CPNE7: variants seen among roughly 807,000 people sequenced by gnomAD.
The protein encoded by CPNE7 is copine 7.
In CPNE7, 78 loss-of-function variants were observed where a neutral mutation model predicts 66.5. The observed-to-expected ratio is 1.17, with a 90% CI of 0.98 to 1.42. The LOEUF (loss-of-function observed/expected upper bound fraction) is 1.42. Among genes scored for constraint, CPNE7 ranks in the 40% most tolerant of loss-of-function variants. The pLI is 0.00. For missense variants in CPNE7, 1,012 were observed against 776.6 expected (o/e 1.30, Z -3.60); for synonymous variants, 468 against 336.7 (o/e 1.39, Z -4.27).
At chr16:89,586,069 C>A (rs1333512784) in intron 7 of CPNE7, among the ~76,000 whole-genome samples, 8 of 96,814 alleles carry the variant, frequency 8.3e-5, no homozygotes, top group Non-Finnish European at 1.3e-4. Flanking sequence ...TGAGGGGGGC[C>A]TCTGGGGAGG....
intron 2 of CPNE7, among the ~76,000 whole-genome samples, chr16:89,581,967 C>T (rs1055766664): frequency 6.6e-6 from 1 of 152,238 alleles, no homozygotes; most frequent in African/African-American, 2.4e-5. Flanking sequence ...TATGTACACA[C>T]AGGTGCACAT....
chr16:89,592,410 G>A (rs1244239470), intron 13 of CPNE7, among the ~76,000 whole-genome samples: 4 of 150,972 alleles, frequency 2.6e-5, no homozygotes, highest in African/African-American at 7.3e-5. Flanking sequence ...CCTGCTTCAC[G>A]TCTGTGTAGT....
Position 89,595,537 on chromosome 16 carries a change from C to G in CPNE7, c.1473C>G (p.Arg491=), listed in dbSNP as rs771557134. ...TGGACGGCGACGACGGCGTCCTGCGCTCCCCACGGGGTGAGCCCGCGCTCC... is the reference window on the plus strand; with the variant it reads ...TGGACGGCGACGACGGCGTCCTGCGGTCCCCACGGGGTGAGCCCGCGCTCC... ...QVLDGDDGVL[R]SPRGEPALRD... Residue 491 remains arginine (R), a synonymous_variant, in exon 14 of 15, where the codon CGC becomes CGG. Transcript: ENST00000319518. 3.1e-6 allele frequency: 5 copies of G among 1,612,600 alleles called. No individual in the cohort carries two copies. Among genetic ancestry groups the G allele is most frequent in the Non-Finnish European group, 4.2e-6 (5 of 1,179,854 alleles).
Position 89,595,455 on chromosome 16 carries a change from C to T in CPNE7, c.1391C>T (p.Pro464Leu). The T allele has an allele frequency of 1.9e-6, 3 of 1,612,374 alleles. No individual in the cohort carries two copies. The highest frequency in any genetic ancestry group is 2.5e-6 in the Non-Finnish European group (3 of 1,179,736). ...GCCATTGTGCGTGCCTCACGCCTGCCCATGTCCATCATCATCGTGGGCGTG... is the reference window on the plus strand; with the variant it reads ...GCCATTGTGCGTGCCTCACGCCTGCTCATGTCCATCATCATCGTGGGCGTG... ...REAIVRASRLPMSIIIVGVGN... is the reference protein window; with the variant it reads ...REAIVRASRLLMSIIIVGVGN... Residue 464 changes from proline (P) to leucine (L), a missense_variant, in exon 14 of 15, where the codon CCC becomes CTC. Transcript: ENST00000319518.
rs1024286835 is a variant in CPNE7 at position 89,596,803 on chromosome 16, C to T, written c.*182C>T. 56 of 703,218 alleles carry T rather than the reference C, an allele frequency of 8.0e-5. 1 individual carries two copies. Among genetic ancestry groups the T allele is most frequent in the Middle Eastern group, 8.6e-4 (2 of 2,314 alleles). The allele number at this position is 703,218 out of a possible 1,614,324, so 43.6% of individuals were successfully genotyped here. ...GGCCCGGCTCTGGGGCCCCCAAGGC[C>T]GAAGGGTGACAAAATACAGGCCCCC... is the stretch of plus-strand genomic sequence containing the variant. On this transcript the variant is annotated 3_prime_UTR_variant, in exon 15 of 15. Coordinates refer to ENST00000319518, the MANE Select transcript of CPNE7 (RefSeq NM_153636.3).
chr16:89,587,578 C>G (rs1290519614), intron 9 of CPNE7: 4 of 421,772 alleles, frequency 9.5e-6, no homozygotes, highest in Non-Finnish European at 9.8e-6. Flanking sequence ...CGAGGAGAAA[C>G]TGGAGTGAGC....
At chr16:89,588,168 CG>C (rs2059110171) in intron 9 of CPNE7, among the ~76,000 whole-genome samples, 2 of 102,504 alleles carry the variant, frequency 2.0e-5, no homozygotes, top group Non-Finnish European at 3.9e-5. Context: ...CCGTGTCACC[CG>C]CGTGTCACCC....
intron 9 of CPNE7, among the ~76,000 whole-genome samples, chr16:89,588,275 T>C (rs1458395564): frequency 1.3e-5 from 2 of 152,216 alleles, no homozygotes; most frequent in Non-Finnish European, 2.9e-5. Flanking sequence ...GGTTCGTGTT[T>C]TGTTGAACGA....
rs370333659 is a variant in CPNE7 at position 89,589,936 on chromosome 16, C to G, written c.1101C>G (p.Ile367Met). The G allele has an allele frequency of 5.6e-6, 9 of 1,613,694 alleles. No individual in the cohort carries two copies. The highest frequency in any genetic ancestry group is 7.6e-6 in the Non-Finnish European group (9 of 1,179,976). ...RFSALGFGAR[I>M]PPKYEVSHDF... ...CCGCTTTGGGGTTTGGAGCCCGGATCCCTCCCAAGTATGAGGTAGGAGAGC... is the reference window on the plus strand; with the variant it reads ...CCGCTTTGGGGTTTGGAGCCCGGATGCCTCCCAAGTATGAGGTAGGAGAGC... Residue 367 changes from isoleucine (I) to methionine (M), a missense_variant, in exon 11 of 15, where the codon ATC (isoleucine) becomes ATG (methionine). Physicochemically the swap from Ile to Met is conservative, Grantham distance 10. Transcript: ENST00000319518.
rs1467014637 is a variant in CPNE7 at position 89,583,887 on chromosome 16, C to T, written c.432+116C>T. ...TCCAGGGAGGGTCTGCAGGAGCCGG[C>T]AGCTACACAGCCCCGGGGGTACACA... is the stretch of plus-strand genomic sequence containing the variant. On this transcript the variant is annotated intron_variant, in intron 3 of 14. Transcript: ENST00000319518. 2.1e-6 allele frequency: 3 copies of T among 1,432,404 alleles called. No homozygotes were observed. The Admixed American group carries it at 5.8e-5, about 28-fold the overall frequency. The allele number at this position is 1,432,404 out of a possible 1,614,324, so 88.7% of individuals were successfully genotyped here. A position where few individuals can be genotyped will look rare whatever the true frequency, so the allele number is the denominator to read the frequency against.
Position 89,583,729 on chromosome 16 carries a change from G to A in CPNE7, c.390G>A (p.Leu130=), listed in dbSNP as rs1278836729. Residue 130 remains leucine (L), a synonymous_variant, in exon 3 of 15, where the codon CTG becomes CTA. Transcript: ENST00000319518. ...IVAQKKVTRP[L]LLKFGRNAGK... Reference sequence around the variant, plus strand: ...CCCAGAAGAAGGTGACCCGCCCGCTGCTGCTCAAGTTTGGCAGGAACGCTG... The same window carrying A: ...CCCAGAAGAAGGTGACCCGCCCGCTACTGCTCAAGTTTGGCAGGAACGCTG... 1 of 1,612,698 alleles carries A rather than the reference G, an allele frequency of 6.2e-7. No homozygotes were observed. The highest frequency in any genetic ancestry group is 8.5e-7 in the Non-Finnish European group (1 of 1,179,932).
intron 2 of CPNE7, 111 bp downstream of exon 2, chr16:89,577,832 C>A: frequency 1.1e-6 from 1 of 933,280 alleles, no homozygotes; most frequent in Non-Finnish European, 1.6e-6. Context: ...GCCAACCTGG[C>A]TCTGCCCCCT....
Position 89,596,851 on chromosome 16 carries a change from G to T in CPNE7, c.*230G>T, listed in dbSNP as rs992062742. The T allele has an allele frequency of 9.4e-5, 43 of 459,536 alleles. 1 individual carries two copies. In the Admixed American group the frequency reaches 1.5e-3, roughly 16 times the overall value. 28.5% of individuals were successfully genotyped at this position (459,536 alleles called of 1,614,324 possible). ...CCCATGCCTGGCCCTGCCTGAGCCA[G>T]GTGGGTGGAGGGAGGGAGATCATGA... On this transcript the variant is annotated 3_prime_UTR_variant, in exon 15 of 15. Coordinates refer to ENST00000319518, the MANE Select transcript of CPNE7 (RefSeq NM_153636.3).
At chr16:89,580,153 C>T (rs1202536849) in intron 2 of CPNE7, among the ~76,000 whole-genome samples, 1 of 52,924 alleles carries the variant, frequency 1.9e-5, no homozygotes, top group African/African-American at 4.7e-5. Context: ...ACCCGTCACA[C>T]GGAACATCCC....
At position 89,590,061 on chromosome 16, in the gene CPNE7, T is replaced by C. The variant is rs1365079919; in HGVS notation, c.1116+110T>C. On this transcript the variant is annotated intron_variant, in intron 11 of 14. Transcript: ENST00000319518. ...TGGCTGCCTGCTGGGAACCGGAGAC[T>C]GTAGGATGGGATTGGGGTGCAAAGC... The C allele has an allele frequency of 6.3e-6, 8 of 1,261,926 alleles. No individual in the cohort carries two copies. In the Admixed American group the frequency reaches 8.3e-5, roughly 13 times the overall value. The allele number at this position is 1,261,926 out of a possible 1,614,324, so 78.2% of individuals were successfully genotyped here. A position where few individuals can be genotyped will look rare whatever the true frequency, so the allele number is the denominator to read the frequency against.
intron 13 of CPNE7, chr16:89,594,017 T>C (rs533268566): frequency 6.6e-6 from 1 of 152,266 alleles, no homozygotes; most frequent in Non-Finnish European, 1.5e-5. Context: ...CACATCCGTC[T>C]GGTGTTTGTG....
intron 8 of CPNE7, 114 bp from the exon 9 acceptor site, chr16:89,586,929 G>A: frequency 8.7e-7 from 1 of 1,152,170 alleles, no homozygotes; most frequent in East Asian, 2.6e-5. Flanking sequence ...GGAGAGGAGA[G>A]GAGGGTGGCA....
At chr16:89,593,874 T>C (rs1240291751) in intron 13 of CPNE7, among the ~76,000 whole-genome samples, 1 of 152,240 alleles carries the variant, frequency 6.6e-6, no homozygotes, top group Admixed American at 6.5e-5. Flanking sequence ...TCAGCTGTTA[T>C]GTTCCTGTGT....
chr16:89,578,525 C>T lies in CPNE7; in HGVS notation c.357+804C>T, dbSNP rs62068670. On this transcript the variant is annotated intron_variant, in intron 2 of 14. Transcript: ENST00000319518. ...CTGTGATCCCAGCACTGTGGGAGGC[C>T]GAGGCGGGCAGATCACTTGAGGTCA... 3.6e-3 allele frequency among the ~76,000 whole-genome samples: 551 copies of T among 152,082 alleles called. 3 individuals carry two copies. Among genetic ancestry groups the T allele is most frequent in the South Asian group, 0.018 (85 of 4,806 alleles).
Sources: allele counts gnomAD v4.1 joint callset (sites outside exome capture counted in the v4.1 genomes callset), GRCh38; gene constraint gnomAD v4.1.1; transcripts MANE v1.5; gene names NCBI Gene and HGNC (gene_info 2026-07-23, HGNC 2026-07-21).